The following ADAMTS12 variants were observed in gnomAD, a reference collection of about 807,000 sequenced individuals.
ADAMTS12 encodes the protein ADAM metallopeptidase with thrombospondin type 1 motif 12.
In ADAMTS12, 118 loss-of-function variants were observed where a neutral mutation model predicts 167.8. The observed-to-expected ratio is 0.70, with a 90% CI of 0.61 to 0.82. The LOEUF (loss-of-function observed/expected upper bound fraction) is 0.82, where lower values mean the gene tolerates loss of function less well. ADAMTS12 is among the 40% of genes least tolerant of loss of function. The pLI, the probability that ADAMTS12 is intolerant of heterozygous loss-of-function variation, is 0.00. For missense variants in ADAMTS12, 1,916 were observed against 1,998.8 expected (o/e 0.96, Z 0.79); for synonymous variants, 704 against 716.9 (o/e 0.98, Z 0.29).
intron 5 of ADAMTS12, among the ~76,000 whole-genome samples, chr5:33,674,892 A>C (rs1383379597): frequency 6.6e-6 from 1 of 152,166 alleles, no homozygotes; most frequent in African/African-American, 2.4e-5. Context: ...TTGCCAATGT[A>C]AAGATATTGG....
intron 19 of ADAMTS12, among the ~76,000 whole-genome samples, chr5:33,564,118 A>G (rs539705945): frequency 6.6e-6 from 1 of 152,350 alleles, no homozygotes; most frequent in South Asian, 2.1e-4. Flanking sequence ...AGAAGGCAGG[A>G]GGACATTGCA....
At chr5:33,742,330 TAAAA>T (rs3037104) in intron 3 of ADAMTS12, among the ~76,000 whole-genome samples, 11 of 134,734 alleles carry the variant, frequency 8.2e-5, no homozygotes, top group Non-Finnish European at 4.8e-5. Flanking sequence ...TCCTTCCCCG[TAAAA>T]AAAAAAAAAA....
intron 19 of ADAMTS12, among the ~76,000 whole-genome samples, chr5:33,574,369 C>T (rs847543): frequency 0.67 from 101,882 of 151,500 alleles, 35,311 homozygotes; most frequent in African/African-American, 0.84. Flanking sequence ...AATGATAGAT[C>T]GGATTAAGAA....
At chr5:33,829,099 C>T (rs1000073055) in intron 2 of ADAMTS12, among the ~76,000 whole-genome samples, 7 of 152,152 alleles carry the variant, frequency 4.6e-5, no homozygotes, top group Non-Finnish European at 7.4e-5. Flanking sequence ...TCTTTCATCA[C>T]GTAATTGATA....
chr5:33,806,250 T>C (rs1747224550), intron 2 of ADAMTS12, among the ~76,000 whole-genome samples: 1 of 152,190 alleles, frequency 6.6e-6, no homozygotes, highest in Admixed American at 6.5e-5. Flanking sequence ...GTGTTTTCAA[T>C]GTGTTAGTTC....
At chr5:33,864,666 A>T (rs1331991910) in intron 2 of ADAMTS12, among the ~76,000 whole-genome samples, 1 of 152,242 alleles carries the variant, frequency 6.6e-6, no homozygotes, top group African/African-American at 2.4e-5. Flanking sequence ...CCATAAAAAA[A>T]GGATTAGTTC....
chr5:33,630,711 A>G (rs1739879520), intron 13 of ADAMTS12, 69 bp downstream of exon 13: 1 of 1,542,040 alleles, frequency 6.5e-7, no homozygotes, highest in Non-Finnish European at 8.9e-7. Context: ...AACCTAGAAC[A>G]TCTGACTTCC....
chr5:33,857,857 T>C (rs1487502512), intron 2 of ADAMTS12, among the ~76,000 whole-genome samples: 1 of 152,192 alleles, frequency 6.6e-6, no homozygotes, highest in Non-Finnish European at 1.5e-5. Flanking sequence ...ATGCAAAATA[T>C]GTGAAGAAAA....
intron 22 of ADAMTS12, among the ~76,000 whole-genome samples, chr5:33,544,015 A>C (rs1387990676): frequency 6.6e-6 from 1 of 152,202 alleles, no homozygotes; most frequent in Admixed American, 6.5e-5. Context: ...TGGGCTGGGC[A>C]ATCAGGCAAG....
At chr5:33,823,191 C>T (rs1747928090) in intron 2 of ADAMTS12, among the ~76,000 whole-genome samples, 1 of 152,054 alleles carries the variant, frequency 6.6e-6, no homozygotes, top group African/African-American at 2.4e-5. Context: ...TATTCTGATA[C>T]TTAATTATAC....
intron 2 of ADAMTS12, among the ~76,000 whole-genome samples, chr5:33,848,419 CTGTGAA>C (rs1483413296): frequency 1.3e-5 from 2 of 152,090 alleles, no homozygotes; most frequent in African/African-American, 2.4e-5. Flanking sequence ...TCAGAAGCTT[CTGTGAA>C]TGTGAATGTG....
intron 22 of ADAMTS12, among the ~76,000 whole-genome samples, chr5:33,536,179 C>T (rs2111759971): frequency 6.6e-6 from 1 of 152,266 alleles, no homozygotes; most frequent in East Asian, 1.9e-4. Flanking sequence ...CTCTATCACC[C>T]AGGCTGAAAG....
chr5:33,568,463 A>G (rs751021022), intron 19 of ADAMTS12, among the ~76,000 whole-genome samples: 4 of 152,218 alleles, frequency 2.6e-5, no homozygotes, highest in Non-Finnish European at 4.4e-5. Context: ...TAAATTGTCA[A>G]TTGGTGCTAA....
In ADAMTS12 at chr5:33,861,536, T is replaced by G. The variant is rs139859956; in HGVS notation, c.489+19583A>C. The stretch of plus-strand genomic sequence containing the variant: ...CACCCAGATTCATAAAGCAAGTTCT[T>G]AGAGACCTACAAAGAGACTTAGACT... On this transcript the variant is annotated intron_variant, in intron 2 of 23. Transcript: ENST00000504830. Among the ~76,000 whole-genome samples, 208 of 152,244 alleles carry G rather than the reference T, an allele frequency of 1.4e-3. 1 individual carries two copies. The highest frequency in any genetic ancestry group is 4.8e-3 in the African/African-American group (200 of 41,546).
chr5:33,548,148 C>T (rs547670388), intron 21 of ADAMTS12, among the ~76,000 whole-genome samples: 1 of 152,322 alleles, frequency 6.6e-6, no homozygotes, highest in Non-Finnish European at 1.5e-5. Flanking sequence ...CTCTGCCTTC[C>T]CTTCACTGGC....
At chr5:33,802,460 A>G (rs1229140994) in intron 2 of ADAMTS12, among the ~76,000 whole-genome samples, 1 of 152,202 alleles carries the variant, frequency 6.6e-6, no homozygotes, top group Non-Finnish European at 1.5e-5. Flanking sequence ...TCATCATCAA[A>G]GATGCCACTG....
At chr5:33,597,134 A>T (rs4437376) in intron 16 of ADAMTS12, among the ~76,000 whole-genome samples, 71,914 of 152,066 alleles carry the variant, frequency 0.47, 17,820 homozygotes, top group Middle Eastern at 0.61. Flanking sequence ...GGCACAGTGA[A>T]GTCACAAAGG....
intron 16 of ADAMTS12, among the ~76,000 whole-genome samples, chr5:33,607,876 G>T (rs1738523764): frequency 6.6e-6 from 1 of 152,180 alleles, no homozygotes; most frequent in African/African-American, 2.4e-5. Context: ...GCCAGGAATA[G>T]ATAAGAAGAT....
chr5:33,623,666 C>T (rs1579762685), intron 14 of ADAMTS12, among the ~76,000 whole-genome samples: 1 of 152,164 alleles, frequency 6.6e-6, no homozygotes, highest in Non-Finnish European at 1.5e-5. Context: ...TCATAAGGGA[C>T]CAGTGGGTGG....
Sources: allele counts gnomAD v4.1 joint callset (sites outside exome capture counted in the v4.1 genomes callset), GRCh38; gene constraint gnomAD v4.1.1; transcripts MANE v1.5; gene names NCBI Gene and HGNC (gene_info 2026-07-23, HGNC 2026-07-21).